HEATR9: variants seen among roughly 807,000 people sequenced by gnomAD.
HEATR9 encodes HEAT repeat containing 9.
HEATR9 carries 54 observed loss-of-function variants against 68.2 expected under a neutral mutation model. The observed-to-expected ratio is 0.79, with a 90% CI of 0.64 to 0.99. The LOEUF is 0.99. Among genes scored for constraint, HEATR9 ranks in the 50% least tolerant of loss-of-function variants. The pLI, the probability that HEATR9 is intolerant of heterozygous loss-of-function variation, is 0.00. For missense variants in HEATR9, 662 were observed against 679.7 expected, an observed-to-expected ratio of 0.97 and a Z score of 0.29; for synonymous variants, 241 against 253.5, an observed-to-expected ratio of 0.95 and a Z score of 0.47.
At chr17:35,857,944 C>T (rs1021016867) in intron 11 of HEATR9, among the ~76,000 whole-genome samples, 2 of 151,978 alleles carry the variant, frequency 1.3e-5, no homozygotes, top group Non-Finnish European at 2.9e-5. Flanking sequence ...GAAGGGGAGA[C>T]GGATTACTTA....
Position 35,855,645 on chromosome 17 carries a change from G to A in HEATR9, c.1365+19C>T. On this transcript the variant is annotated intron_variant, in intron 14 of 14. Coordinates refer to ENST00000604834, the MANE Select transcript of HEATR9 (RefSeq NM_152781.4). Reference sequence around the variant, plus strand: ...AGGGCTAGAGAAGAGGAAGAAGTGGGCAGGAACGCCTTACTTACACTCTTC... The same window carrying A: ...AGGGCTAGAGAAGAGGAAGAAGTGGACAGGAACGCCTTACTTACACTCTTC... The A allele has an allele frequency of 6.2e-7, 1 of 1,608,970 alleles. No homozygotes were observed. Among genetic ancestry groups the A allele is most frequent in the Non-Finnish European group, 8.5e-7 (1 of 1,175,360 alleles).
At chr17:35,857,192 GT>G (rs1426552261) in intron 11 of HEATR9, among the ~76,000 whole-genome samples, 1 of 152,150 alleles carries the variant, frequency 6.6e-6, no homozygotes, top group African/African-American at 2.4e-5. Flanking sequence ...GCTGAAAATA[GT>G]TCAACTCAGA....
chr17:35,857,431 ATCTGAT>A (rs1404322911), intron 11 of HEATR9, among the ~76,000 whole-genome samples: 1 of 152,156 alleles, frequency 6.6e-6, no homozygotes, highest in Admixed American at 6.5e-5. Context: ...AGAAGGCACA[ATCTGAT>A]TTATATTTTT....
Position 35,864,873 on chromosome 17 carries a change from T to C in HEATR9, c.338A>G (p.His113Arg), listed in dbSNP as rs753120806. 1 of 1,614,242 alleles carries C rather than the reference T, an allele frequency of 6.2e-7. No homozygotes were observed. The highest frequency in any genetic ancestry group is 8.5e-7 in the Non-Finnish European group (1 of 1,180,034). ...ATGGAACATTTTGATGTGGGTTTGA[T>C]GTACCTCTTTGATGTACCTGTGTGA... ...RDDCRYIKEV[H>R]QTHIKMFHLP... Residue 113 changes from histidine (H) to arginine (R), a missense_variant, in exon 4 of 15, where the codon CAT becomes CGT. His to Arg is a conservative substitution (Grantham distance 29). Transcript: ENST00000604834.
At chr17:35,858,851 T>A in intron 9 of HEATR9, 37 bp downstream of exon 9, 1 of 1,604,210 alleles carries the variant, frequency 6.2e-7, no homozygotes, top group Non-Finnish European at 8.5e-7. Context: ...CAGTGGCTTC[T>A]GTTTCCCCAG....
rs1256121397 is a variant in HEATR9 at position 35,865,430 on chromosome 17, G to T, written c.139-34C>A. Reference sequence around the variant, plus strand: ...TGCAAGTGGCAGAACAGTCAGAGGGGTCCCCTAGGCCCTTACTTGTGAGGG... The same window carrying T: ...TGCAAGTGGCAGAACAGTCAGAGGGTTCCCCTAGGCCCTTACTTGTGAGGG... On this transcript the variant is annotated intron_variant, in intron 2 of 14. Coordinates refer to ENST00000604834, the MANE Select transcript of HEATR9 (RefSeq NM_152781.4). The T allele has an allele frequency of 5.2e-5, 83 of 1,590,320 alleles. No individual in the cohort carries two copies. The East Asian group carries it at 1.9e-3, about 36-fold the overall frequency.
Position 35,856,177 on chromosome 17 carries a change from G to A in HEATR9, c.1274C>T (p.Ser425Phe), listed in dbSNP as rs371014051. ...GAGAAGCAGAGCCTGCCTTACCAAAGAGATGACTGCTTCCTGGCGTGCAGT... is the reference window on the plus strand; with the variant it reads ...GAGAAGCAGAGCCTGCCTTACCAAAAAGATGACTGCTTCCTGGCGTGCAGT... ...DATARQEAVI[S>F]LGVLGIRSPQ... Residue 425 changes from serine to phenylalanine, a missense_variant, in exon 13 of 15, where the codon TCT (serine) becomes TTT (phenylalanine). Physicochemically the swap from Ser to Phe is radical, Grantham distance 155. Coordinates refer to ENST00000604834, the MANE Select transcript of HEATR9 (RefSeq NM_152781.4). 2 of 1,614,074 alleles carry A rather than the reference G, an allele frequency of 1.2e-6. No homozygotes were observed. Among genetic ancestry groups the A allele is most frequent in the Non-Finnish European group, 1.7e-6 (2 of 1,179,962 alleles).
chr17:35,862,838 T>C, intron 8 of HEATR9, 157 bp downstream of exon 8: 3 of 1,023,444 alleles, frequency 2.9e-6, no homozygotes, highest in Non-Finnish European at 4.3e-6. Context: ...GGCCAAGCCA[T>C]ATGCTTCTAT....
intron 8 of HEATR9, among the ~76,000 whole-genome samples, chr17:35,860,858 ATATGGTGAAACCTCGTCTC>A (rs1320024905): frequency 2.0e-5 from 3 of 151,878 alleles, no homozygotes; most frequent in Non-Finnish European, 4.4e-5. Flanking sequence ...AGCCTGGCCA[ATATGGTGAAACCTCGTCTC>A]TATTAAAAAT....
chr17:35,855,225 G>T lies in HEATR9; in HGVS notation c.1551C>A (p.Asn517Lys). ...TGATGGACTTTGCAATAAACAAGGG[G>T]TTCAGCTTTGCAAGTCGAAAGTCTT... ...TIQDFRLAKL[N>K]PLFIAKSITK... The change falls in exon 15 of 15, where the codon AAC becomes AAA. Residue 517 changes from asparagine to lysine, a missense_variant. By Grantham distance (94) the Asn-to-Lys change is moderately conservative. Coordinates refer to ENST00000604834, the MANE Select transcript of HEATR9 (RefSeq NM_152781.4). 1 of 1,614,180 alleles carries T rather than the reference G, an allele frequency of 6.2e-7. No individual in the cohort carries two copies. The highest frequency in any genetic ancestry group is 2.2e-5 in the East Asian group (1 of 44,880).
At position 35,864,907 on chromosome 17, in the gene HEATR9, A is replaced by G; in HGVS notation, c.321-17T>C. On this transcript the variant is annotated splice_polypyrimidine_tract_variant and intron_variant, in intron 3 of 14. Coordinates refer to ENST00000604834, the MANE Select transcript of HEATR9 (RefSeq NM_152781.4). ...TTGATGTACCTGTGTGAGAAATTGC[A>G]TAGGCAGCTTTGGTCCCTTTGTACC... 6 of 1,614,220 alleles carry G rather than the reference A, an allele frequency of 3.7e-6. No homozygotes were observed. The highest frequency in any genetic ancestry group is 5.1e-6 in the Non-Finnish European group (6 of 1,180,034).
At chr17:35,861,210 C>G in intron 8 of HEATR9, 5 of 1,599,638 alleles carry the variant, frequency 3.1e-6, no homozygotes, top group Non-Finnish European at 4.3e-6. Context: ...CCTGAACTTT[C>G]TGTAGCTCTT....
chr17:35,857,586 C>T (rs552236571), intron 11 of HEATR9, among the ~76,000 whole-genome samples: 24 of 152,000 alleles, frequency 1.6e-4, no homozygotes, highest in Non-Finnish European at 2.9e-4. Flanking sequence ...GATGAAACCC[C>T]GTCTCTACTA....
intron 9 of HEATR9, 142 bp from the exon 10 acceptor site, chr17:35,858,667 TCATGTGTG>T: frequency 1.2e-6 from 1 of 850,332 alleles, no homozygotes; most frequent in South Asian, 1.7e-5. Context: ...CCACAGAAGT[TCATGTGTG>T]CATATACATA....
At position 35,859,157 on chromosome 17, in the gene HEATR9, T is replaced by C. The variant is rs2087887131; in HGVS notation, c.757-87A>G. 4 of 1,165,740 alleles carry C rather than the reference T, an allele frequency of 3.4e-6. No individual in the cohort carries two copies. In the Admixed American group the frequency reaches 6.6e-5, roughly 19 times the overall value. The allele number at this position is 1,165,740 out of a possible 1,614,324, so 72.2% of individuals were successfully genotyped here. A position where few individuals can be genotyped will look rare whatever the true frequency, so the allele number is the denominator to read the frequency against. On this transcript the variant is annotated intron_variant, in intron 8 of 14. Coordinates refer to ENST00000604834, the MANE Select transcript of HEATR9 (RefSeq NM_152781.4). ...TCCAGACTATATTCACCTTCCTCCC[T>C]AAAATGAATCTTGTGCATCAGATTA... is the stretch of plus-strand genomic sequence containing the variant.
rs1457501020 is a variant in HEATR9 at position 35,859,065 on chromosome 17, A to G, written c.762T>C (p.Thr254=). ...CCAGCTTGCCCTCATCCCCGACTTGAGTCCTCTGTGAGGGAGACAAAATGG... is the reference window on the plus strand; with the variant it reads ...CCAGCTTGCCCTCATCCCCGACTTGGGTCCTCTGTGAGGGAGACAAAATGG... ...SWAAVSKDKR[T]QVGDEGKLVP... is the part of the protein sequence containing the mutation. Residue 254 remains threonine (T), a synonymous_variant, in exon 9 of 15, where the codon ACT becomes ACC. Coordinates refer to ENST00000604834, the MANE Select transcript of HEATR9 (RefSeq NM_152781.4). 1 of 1,614,020 alleles carries G rather than the reference A, an allele frequency of 6.2e-7. No homozygotes were observed. Among genetic ancestry groups the G allele is most frequent in the South Asian group, 1.1e-5 (1 of 91,072 alleles).
chr17:35,864,226 C>G lies in HEATR9; in HGVS notation c.567+20G>C. On this transcript the variant is annotated intron_variant, in intron 6 of 14. Coordinates refer to ENST00000604834, the MANE Select transcript of HEATR9 (RefSeq NM_152781.4). ...ACCCTGTTTCCTTCTTTCCTGAACT[C>G]CAGCAGTTCTCAGACTCACCACCTG... The G allele has an allele frequency of 6.3e-7, 1 of 1,597,860 alleles. No individual in the cohort carries two copies. The highest frequency in any genetic ancestry group is 8.6e-7 in the Non-Finnish European group (1 of 1,165,212).
chr17:35,855,556 C>G, intron 14 of HEATR9, 108 bp downstream of exon 14: 1 of 1,299,192 alleles, frequency 7.7e-7, no homozygotes, highest in Non-Finnish European at 1.1e-6. Context: ...TGTCTAAGGG[C>G]TCATGACCCT....
chr17:35,855,879 A>G (rs572854989), intron 13 of HEATR9, 129 bp from the exon 14 acceptor site: 1 of 794,336 alleles, frequency 1.3e-6, no homozygotes, highest in Non-Finnish European at 2.1e-6. Flanking sequence ...CCCAGCTGAG[A>G]TACTCCTTTC....
Sources: gnomAD v4.1 joint callset for allele counts (sites outside exome capture counted in the v4.1 genomes callset) on GRCh38, gnomAD v4.1.1 for gene constraint, MANE v1.5 for transcripts, NCBI Gene and HGNC (gene_info 2026-07-23, HGNC 2026-07-21) for gene names.